The following SLC25A26 variants were observed in gnomAD, a reference collection of about 807,000 sequenced individuals.
The protein encoded by SLC25A26 is mitochondrial S-adenosylmethionine carrier protein.
In SLC25A26, 36 loss-of-function variants were observed where a neutral mutation model predicts 37.8. The observed-to-expected ratio is 0.95, with a 90% confidence interval of 0.73 to 1.26. The LOEUF (loss-of-function observed/expected upper bound fraction) is 1.26, where lower values mean the gene tolerates loss of function less well. Ranked by LOEUF, SLC25A26 falls within the 50% of genes most tolerant of loss-of-function variation. The pLI, the probability that SLC25A26 is intolerant of heterozygous loss-of-function variation, is 0.00. For synonymous variants in SLC25A26, 129 were observed against 122.5 expected (o/e 1.05, Z -0.35); for missense variants, 390 against 331.1 (o/e 1.18, Z -1.38).
At chr3:66,315,800 A>G (rs1390953480) in intron 5 of SLC25A26, among the ~76,000 whole-genome samples, 1 of 152,206 alleles carries the variant, frequency 6.6e-6, no homozygotes, top group Non-Finnish European at 1.5e-5. Context: ...GTGCTCCTGT[A>G]TTGGGTCCAT....
intron 1 of SLC25A26, among the ~76,000 whole-genome samples, chr3:66,223,848 G>A (rs2071612211): frequency 6.6e-6 from 1 of 152,144 alleles, no homozygotes; most frequent in Admixed American, 6.5e-5. Context: ...TCCTCAAAGA[G>A]TACATTGATC....
intron 1 of SLC25A26, among the ~76,000 whole-genome samples, chr3:66,146,713 G>C (rs75673658): frequency 1.3e-5 from 2 of 152,052 alleles, no homozygotes; most frequent in Admixed American, 1.3e-4. Context: ...TAGCTTTGGG[G>C]TTGTAATGGT....
At chr3:66,333,038 C>T (rs759937400) in intron 5 of SLC25A26, among the ~76,000 whole-genome samples, 3 of 152,090 alleles carry the variant, frequency 2.0e-5, no homozygotes, top group African/African-American at 4.8e-5. Flanking sequence ...TCCATTGTCG[C>T]GGGTGAGAAG....
intron 6 of SLC25A26, among the ~76,000 whole-genome samples, chr3:66,348,318 C>T (rs1226892038): frequency 6.6e-6 from 1 of 152,114 alleles, no homozygotes; most frequent in Non-Finnish European, 1.5e-5. Flanking sequence ...GGGCATCTTA[C>T]GTGGTAAGAG....
At chr3:66,176,590 G>C (rs770274094) in intron 1 of SLC25A26, among the ~76,000 whole-genome samples, 5 of 152,172 alleles carry the variant, frequency 3.3e-5, no homozygotes, top group Admixed American at 6.5e-5. Flanking sequence ...AGACTATTGA[G>C]GGGAAAAAAC....
chr3:66,373,885 T>C (rs1700489109), intron 9 of SLC25A26, among the ~76,000 whole-genome samples: 1 of 152,102 alleles, frequency 6.6e-6, no homozygotes, highest in Admixed American at 6.5e-5. Context: ...GGGAGGCTGC[T>C]CAGCCTCCCC....
chr3:66,332,117 T>G (rs1232336554), intron 5 of SLC25A26, among the ~76,000 whole-genome samples: 3 of 151,986 alleles, frequency 2.0e-5, no homozygotes, highest in African/African-American at 7.3e-5. Context: ...TTTGTATTTT[T>G]GGTAGAGATG....
intron 5 of SLC25A26, among the ~76,000 whole-genome samples, chr3:66,326,045 G>T (rs2075829808): frequency 6.6e-6 from 1 of 152,170 alleles, no homozygotes; most frequent in Non-Finnish European, 1.5e-5. Flanking sequence ...GATAGGATTG[G>T]CTGCTAGCTT....
At chr3:66,306,467 T>C (rs1257860031) in intron 5 of SLC25A26, among the ~76,000 whole-genome samples, 1 of 152,150 alleles carries the variant, frequency 6.6e-6, no homozygotes, top group East Asian at 1.9e-4. Flanking sequence ...GGGTTGTTTT[T>C]CTTTTTCTTG....
chr3:66,360,691 A>AT (rs1430728289), intron 6 of SLC25A26, among the ~76,000 whole-genome samples: 2 of 152,224 alleles, frequency 1.3e-5, no homozygotes, highest in Non-Finnish European at 2.9e-5. Flanking sequence ...TTAAGGATAA[A>AT]TTTGACAAAA....
chr3:66,155,168 A>C (rs1359827244), intron 1 of SLC25A26, among the ~76,000 whole-genome samples: 1 of 152,228 alleles, frequency 6.6e-6, no homozygotes, highest in East Asian at 1.9e-4. Context: ...TTTACCTTTT[A>C]GCCCAGAGAC....
chr3:66,174,185 CT>C (rs1382664739), intron 1 of SLC25A26, among the ~76,000 whole-genome samples: 1 of 152,144 alleles, frequency 6.6e-6, no homozygotes, highest in Non-Finnish European at 1.5e-5. Flanking sequence ...TTATTTAATT[CT>C]TCTATGACAG....
chr3:66,292,081 G>A (rs996263995), intron 5 of SLC25A26, among the ~76,000 whole-genome samples: 2 of 152,074 alleles, frequency 1.3e-5, no homozygotes, highest in Non-Finnish European at 2.9e-5. Context: ...TTTTATGTTT[G>A]TTGGTTTAAA....
chr3:66,310,156 GA>G (rs1307335300), intron 5 of SLC25A26, among the ~76,000 whole-genome samples: 3 of 152,190 alleles, frequency 2.0e-5, no homozygotes, highest in African/African-American at 7.2e-5. Flanking sequence ...AGGTCTCTAA[GA>G]ACTTGCTTTA....
intron 5 of SLC25A26, among the ~76,000 whole-genome samples, chr3:66,286,100 T>G (rs1343622280): frequency 6.6e-6 from 1 of 152,242 alleles, no homozygotes; most frequent in Non-Finnish European, 1.5e-5. Context: ...ATATTTGGAA[T>G]GCTCATCCTT....
chr3:66,346,272 A>T (rs2076320107), intron 5 of SLC25A26, 92 bp from the exon 6 acceptor site: 1 of 597,520 alleles, frequency 1.7e-6, no homozygotes, highest in Non-Finnish European at 2.9e-6. Context: ...TTTGTTATAA[A>T]GTTGAAATAA....
chr3:66,333,964 G>T (rs1232987832), intron 5 of SLC25A26, among the ~76,000 whole-genome samples: 1 of 152,154 alleles, frequency 6.6e-6, no homozygotes, highest in African/African-American at 2.4e-5. Flanking sequence ...GATTGAAAAT[G>T]GTAATGGAGG....
At chr3:66,271,857 T>C (rs540324151) in intron 5 of SLC25A26, among the ~76,000 whole-genome samples, 28 of 152,098 alleles carry the variant, frequency 1.8e-4, no homozygotes, top group Admixed American at 1.4e-3. Context: ...CCTCTGTAAA[T>C]GGAAATGTCT....
intron 1 of SLC25A26, among the ~76,000 whole-genome samples, chr3:66,225,304 T>C (rs1011313121): frequency 1.3e-5 from 2 of 152,212 alleles, no homozygotes; most frequent in Non-Finnish European, 2.9e-5. Context: ...GCTCAGTTCT[T>C]GTCTTCTGCA....
Sources: allele counts gnomAD v4.1 joint callset (sites outside exome capture counted in the v4.1 genomes callset), GRCh38; gene constraint gnomAD v4.1.1; transcripts MANE v1.5; gene names NCBI Gene and HGNC (gene_info 2026-07-23, HGNC 2026-07-21).